Variants in ABCA10 observed in about 807,000 individuals in gnomAD.
The protein encoded by ABCA10 is ATP-binding cassette sub-family A member 10.
Under a neutral mutation model 187.5 loss-of-function variants are expected in ABCA10, and 169 were observed. That is an observed-to-expected ratio of 0.90 (90% CI 0.80 to 1.02). The LOEUF is 1.02. ABCA10 is among the 50% of genes least tolerant of loss of function. ABCA10 has a pLI of 0.00. For synonymous variants in ABCA10, 574 were observed against 601.8 expected (o/e 0.95, Z 0.68); for missense variants, 1,727 against 1,812.4 (o/e 0.95, Z 0.86).
At chr17:69,181,587 A>G (rs2074381293) in intron 22 of ABCA10, among the ~76,000 whole-genome samples, 1 of 152,090 alleles carries the variant, frequency 6.6e-6, no homozygotes, top group Non-Finnish European at 1.5e-5. Context: ...AGGGATAGGA[A>G]GTGATAGGTT....
chr17:69,178,223 A>G (rs1392187293), intron 22 of ABCA10, among the ~76,000 whole-genome samples: 1 of 151,786 alleles, frequency 6.6e-6, no homozygotes, highest in African/African-American at 2.4e-5. Context: ...AGAAACAAAA[A>G]GGGCATAATT....
intron 9 of ABCA10, among the ~76,000 whole-genome samples, chr17:69,205,094 C>A (rs1409239044): frequency 6.6e-6 from 1 of 152,060 alleles, no homozygotes; most frequent in Admixed American, 6.6e-5. Flanking sequence ...TACCACTGCA[C>A]TCCAGCCTGG....
Position 69,155,954 on chromosome 17 carries a change from T to C in ABCA10, c.3456-29A>G, listed in dbSNP as rs1267710144. 3.7e-6 allele frequency: 6 copies of C among 1,600,388 alleles called. No homozygotes were observed. The East Asian group carries it at 1.1e-4, about 30-fold the overall frequency. On this transcript the variant is annotated intron_variant, in intron 28 of 38. Coordinates refer to ENST00000690296, the MANE Select transcript of ABCA10 (RefSeq NM_001377321.1). ...CAGAGGAAATAAAATAACATAAAAATGCAATTTTGGCTGTACAACTGTTAA... is the reference window on the plus strand; with the variant it reads ...CAGAGGAAATAAAATAACATAAAAACGCAATTTTGGCTGTACAACTGTTAA...
intron 9 of ABCA10, among the ~76,000 whole-genome samples, chr17:69,202,284 A>C (rs1261679732): frequency 6.6e-6 from 1 of 152,224 alleles, no homozygotes; most frequent in East Asian, 1.9e-4. Flanking sequence ...GGGATGTGTA[A>C]GCTGATCCTG....
chr17:69,220,310 T>G (rs1209793158), intron 5 of ABCA10, among the ~76,000 whole-genome samples: 1 of 151,788 alleles, frequency 6.6e-6, no homozygotes, highest in African/African-American at 2.4e-5. Context: ...GGAAAGAAGG[T>G]GTATAGTGCG....
In ABCA10 at chr17:69,148,794, G is replaced by C. The variant is rs958812201; in HGVS notation, c.*33C>G. On this transcript the variant is annotated 3_prime_UTR_variant, in exon 39 of 39. Coordinates refer to ENST00000690296, the MANE Select transcript of ABCA10 (RefSeq NM_001377321.1). ...ATTATGGAAACTAACAATGTAGTAG[G>C]ACCTAAAATTGAATGTTAGGAGGTT... The C allele has an allele frequency of 6.6e-7, 1 of 1,509,640 alleles. No homozygotes were observed. The highest frequency in any genetic ancestry group is 9.2e-7 in the Non-Finnish European group (1 of 1,089,382). 93.5% of individuals were successfully genotyped at this position (1,509,640 alleles called of 1,614,324 possible). A position where few individuals can be genotyped will look rare whatever the true frequency, so the allele number is the denominator to read the frequency against.
At chr17:69,194,245 G>A in intron 12 of ABCA10, 140 bp downstream of exon 12, 1 of 762,606 alleles carries the variant, frequency 1.3e-6, no homozygotes, top group Middle Eastern at 3.2e-4. Context: ...ATGAATTTAT[G>A]TGCATATGAA....
chr17:69,217,591 A>G (rs2074715956), intron 6 of ABCA10, among the ~76,000 whole-genome samples: 1 of 152,244 alleles, frequency 6.6e-6, no homozygotes, highest in Admixed American at 6.5e-5. Context: ...AGAAAAAACA[A>G]GCTATTGATA....
chr17:69,166,990 G>A (rs1399244197), intron 25 of ABCA10, among the ~76,000 whole-genome samples: 1 of 152,182 alleles, frequency 6.6e-6, no homozygotes, highest in Non-Finnish European at 1.5e-5. Flanking sequence ...TAACACTCAA[G>A]ACTTGAAGGG....
intron 25 of ABCA10, among the ~76,000 whole-genome samples, chr17:69,166,728 C>T (rs996768204): frequency 5.3e-5 from 8 of 152,194 alleles, no homozygotes; most frequent in East Asian, 1.9e-4. Context: ...AAGCAGCTTC[C>T]GCCAATCAAG....
intron 5 of ABCA10, among the ~76,000 whole-genome samples, chr17:69,220,198 T>G (rs952082635): frequency 1.8e-4 from 27 of 152,022 alleles, no homozygotes; most frequent in African/African-American, 6.3e-4. Flanking sequence ...ACATTTTTAC[T>G]GAGTGTTGAA....
intron 25 of ABCA10, among the ~76,000 whole-genome samples, chr17:69,166,550 A>G (rs1282462006): frequency 1.3e-5 from 2 of 152,184 alleles, no homozygotes; most frequent in Non-Finnish European, 2.9e-5. Context: ...TTGATGATCC[A>G]ACTTTTATAC....
rs148818168 is a variant in ABCA10, at chr17:69,201,527, G to A, written c.1148C>T (p.Pro383Leu). 1.0e-4 allele frequency: 162 copies of A among 1,601,286 alleles called. No individual in the cohort carries two copies. Among genetic ancestry groups the A allele is most frequent in the Non-Finnish European group, 1.3e-4 (155 of 1,175,904 alleles). The stretch of plus-strand genomic sequence containing the variant: ...TATGGCTTCTTTTCCATGGAATTCT[G>A]GAGACACCGGTTCAAAAGAATCATC... The part of the protein sequence containing the change: ...SSDDSFEPVS[P>L]EFHGKEAIRI... The change falls in exon 10 of 39, where the codon CCA (proline) becomes CTA (leucine). Residue 383 changes from proline to leucine, a missense_variant. Transcript: ENST00000690296.
At position 69,174,543 on chromosome 17, in the gene ABCA10, T is replaced by C. The variant is rs1412084299; in HGVS notation, c.3048+64A>G. On this transcript the variant is annotated intron_variant, in intron 24 of 38. Coordinates refer to ENST00000690296, the MANE Select transcript of ABCA10 (RefSeq NM_001377321.1). ...CCTTTTGCTAATGACAAAACATTCA[T>C]GAAAATGAATTTTCATTTTGATTCT... 15 of 1,491,728 alleles carry C rather than the reference T, an allele frequency of 1.0e-5. No homozygotes were observed. In the Admixed American group the frequency reaches 3.3e-4, roughly 33 times the overall value. The allele number at this position is 1,491,728 out of a possible 1,614,324, so 92.4% of individuals were successfully genotyped here.
At chr17:69,230,202 G>A (rs1346967007), upstream of ABCA10, among the ~76,000 whole-genome samples, 1 of 152,050 alleles carries the variant, frequency 6.6e-6, no homozygotes, top group Non-Finnish European at 1.5e-5. Context: ...CCAGATATCA[G>A]TGCCATGCTC....
At chr17:69,217,700 G>C (rs1361318760) in intron 6 of ABCA10, among the ~76,000 whole-genome samples, 1 of 152,098 alleles carries the variant, frequency 6.6e-6, no homozygotes, top group East Asian at 1.9e-4. Context: ...AAGTAGAAGG[G>C]ATAATATACA....
At chr17:69,164,243 T>C in intron 26 of ABCA10, 89 bp from the exon 27 acceptor site, 2 of 1,036,816 alleles carry the variant, frequency 1.9e-6, no homozygotes, top group Non-Finnish European at 2.7e-6. Context: ...TACTTGATGT[T>C]CTATGGGACA....
At chr17:69,230,033 T>C (rs1293931042), upstream of ABCA10, among the ~76,000 whole-genome samples, 1 of 152,012 alleles carries the variant, frequency 6.6e-6, no homozygotes, top group Non-Finnish European at 1.5e-5. Context: ...CCTTTAGAAG[T>C]GGTGATTAGG....
At chr17:69,211,334 T>TCATATATATACATC (rs1448044990) in intron 9 of ABCA10, among the ~76,000 whole-genome samples, 4 of 132,726 alleles carry the variant, frequency 3.0e-5, no homozygotes, top group African/African-American at 1.2e-4. Context: ...TATATATATA[T>TCATATATATACATC]ATATATATAT....
Sources: allele counts gnomAD v4.1 joint callset (sites outside exome capture counted in the v4.1 genomes callset), GRCh38; gene constraint gnomAD v4.1.1; transcripts MANE v1.5; gene names NCBI Gene and HGNC (gene_info 2026-07-23, HGNC 2026-07-21).